Variants in LINGO2 observed in about 807,000 individuals in gnomAD.
LINGO2 encodes leucine-rich repeat and immunoglobulin-like domain-containing nogo receptor-interacting protein 2.
In LINGO2, 14 loss-of-function variants were observed where a neutral mutation model predicts 30.6. That is an observed-to-expected ratio of 0.46 (90% CI 0.30 to 0.72). The LOEUF (loss-of-function observed/expected upper bound fraction) is 0.72. Among genes scored for constraint, LINGO2 ranks in the 30% least tolerant of loss-of-function variants. The pLI, the probability that LINGO2 is intolerant of heterozygous loss-of-function variation, is 0.07. For synonymous variants in LINGO2, 317 were observed against 288.5 expected (o/e 1.10, Z -1.00); for missense variants, 729 against 751.7 (o/e 0.97, Z 0.35).
the LINGO2 span, among the ~76,000 whole-genome samples, chr9:29,195,539 G>T: frequency 6.9e-4 from 104 of 151,736 alleles, 2 homozygotes; most frequent in South Asian, 0.013. Context: ...TTTCATAATG[G>T]CTGTGCCAAT....
At chr9:28,157,964 G>T (rs764589208) in intron 4 of LINGO2, among the ~76,000 whole-genome samples, 9 of 152,130 alleles carry the variant, frequency 5.9e-5, no homozygotes, top group South Asian at 2.1e-4. Context: ...ACATTTTCCT[G>T]TCTTCTTCTG....
chr9:28,470,325 G>C (rs1230702775), intron 2 of LINGO2, among the ~76,000 whole-genome samples: 1 of 152,146 alleles, frequency 6.6e-6, no homozygotes, highest in Non-Finnish European at 1.5e-5. Context: ...GGCTTCATAA[G>C]CAAGAATACC....
chr9:28,055,060 G>A (rs1824860828), intron 4 of LINGO2, among the ~76,000 whole-genome samples: 2 of 152,014 alleles, frequency 1.3e-5, no homozygotes, highest in Non-Finnish European at 2.9e-5. Context: ...CCTCCCAGAG[G>A]GAAGCTAGAT....
At chr9:28,279,023 G>T (rs563293648) in intron 4 of LINGO2, among the ~76,000 whole-genome samples, 7 of 152,162 alleles carry the variant, frequency 4.6e-5, no homozygotes, top group Non-Finnish European at 1.0e-4. Flanking sequence ...ACTTTGAAAG[G>T]TTACAGGCTT....
chr9:28,861,241 ATTT>A, the LINGO2 span, among the ~76,000 whole-genome samples: 78 of 116,534 alleles, frequency 6.7e-4, no homozygotes, highest in African/African-American at 2.4e-3. Flanking sequence ...TATAATATAT[ATTT>A]TTTATACAAT....
the LINGO2 span, among the ~76,000 whole-genome samples, chr9:29,198,618 G>A: frequency 6.6e-6 from 1 of 152,020 alleles, no homozygotes; most frequent in African/African-American, 2.4e-5. Context: ...GTGTCATTCC[G>A]TATTTTTTAA....
At chr9:29,117,822 A>G in the LINGO2 span, among the ~76,000 whole-genome samples, 6 of 152,216 alleles carry the variant, frequency 3.9e-5, no homozygotes, top group Non-Finnish European at 5.9e-5. Flanking sequence ...AATGTACTTT[A>G]TCGAGTTTGT....
At chr9:28,441,450 T>G (rs901361561) in intron 2 of LINGO2, among the ~76,000 whole-genome samples, 7 of 151,914 alleles carry the variant, frequency 4.6e-5, no homozygotes, top group African/African-American at 1.7e-4. Context: ...AGCCCATACT[T>G]CATGTTAGTT....
the LINGO2 span, among the ~76,000 whole-genome samples, chr9:29,096,944 T>A: frequency 2.1e-5 from 3 of 139,542 alleles, no homozygotes; most frequent in Non-Finnish European, 3.1e-5. Flanking sequence ...TTTAAGATTA[T>A]CTTCAAAATG....
At chr9:28,893,129 C>A in the LINGO2 span, among the ~76,000 whole-genome samples, 1 of 151,978 alleles carries the variant, frequency 6.6e-6, no homozygotes, top group Admixed American at 6.6e-5. Flanking sequence ...TCTACCCAAT[C>A]CAACAGCCTT....
chr9:29,070,932 T>C, the LINGO2 span, among the ~76,000 whole-genome samples: 1 of 150,966 alleles, frequency 6.6e-6, no homozygotes, highest in Admixed American at 6.6e-5. Context: ...AACCCCATCC[T>C]TGTAAACATT....
intron 4 of LINGO2, among the ~76,000 whole-genome samples, chr9:28,022,639 C>CT (rs1491372095): frequency 1.4e-5 from 2 of 145,602 alleles, no homozygotes; most frequent in Admixed American, 6.7e-5. Flanking sequence ...GCTTGCATAA[C>CT]TCTCTTCTTT....
At chr9:28,505,548 A>G (rs1202050259) in intron 1 of LINGO2, among the ~76,000 whole-genome samples, 2 of 151,998 alleles carry the variant, frequency 1.3e-5, no homozygotes, top group African/African-American at 2.4e-5. Context: ...AAGACAATTC[A>G]TATCTTTTTA....
At chr9:28,915,100 C>A in the LINGO2 span, among the ~76,000 whole-genome samples, 3 of 152,094 alleles carry the variant, frequency 2.0e-5, no homozygotes, top group Middle Eastern at 3.2e-3. Flanking sequence ...CCATTGCACT[C>A]CAGGCTGGCG....
chr9:28,623,530 C>G (rs1289297093), intron 1 of LINGO2, among the ~76,000 whole-genome samples: 1 of 151,846 alleles, frequency 6.6e-6, no homozygotes, highest in Non-Finnish European at 1.5e-5. Context: ...CTTGGGGGTT[C>G]TCTATTCTGT....
rs151128891 is a variant in LINGO2, at chr9:28,053,790, G to A, written c.-86-41385C>T. Among the ~76,000 whole-genome samples, 370 of 152,220 alleles carry A rather than the reference G, an allele frequency of 2.4e-3. 3 individuals are homozygous for A. The highest frequency in any genetic ancestry group is 8.5e-3 in the African/African-American group (355 of 41,548). On this transcript the variant is annotated intron_variant, in intron 4 of 5. Transcript: ENST00000379992. ...AAATAGAGGCAGGAAAGAACCCAAT[G>A]TATTTTCTATTCTCAGAAATGATTA...
chr9:28,536,035 T>C (rs1358638628), intron 1 of LINGO2, among the ~76,000 whole-genome samples: 1 of 152,138 alleles, frequency 6.6e-6, no homozygotes. Flanking sequence ...TTTTTAATAA[T>C]TAGATGATTT....
intron 3 of LINGO2, among the ~76,000 whole-genome samples, chr9:28,355,327 GTC>G (rs1820144381): frequency 3.3e-5 from 1 of 30,690 alleles, no homozygotes; most frequent in African/African-American, 1.1e-4. Context: ...CTCTCTCTCT[GTC>G]TCTGTCTCTC....
the LINGO2 span, among the ~76,000 whole-genome samples, chr9:28,848,819 C>T: frequency 4.6e-5 from 7 of 151,848 alleles, 1 homozygote; most frequent in Middle Eastern, 3.4e-3. Flanking sequence ...GCTGTTGAAA[C>T]TCCCACGCCT....
Sources: gnomAD v4.1 joint callset for allele counts (sites outside exome capture counted in the v4.1 genomes callset) on GRCh38, gnomAD v4.1.1 for gene constraint, MANE v1.5 for transcripts, NCBI Gene and HGNC (gene_info 2026-07-23, HGNC 2026-07-21) for gene names.